TULP4: variants seen among roughly 807,000 people sequenced by gnomAD.
TULP4 encodes TUB like protein 4, also known as tubby-related protein 4.
In TULP4, 16 loss-of-function variants were observed where a neutral mutation model predicts 129.0. That is an observed-to-expected ratio of 0.12 (90% CI 0.08 to 0.19). The LOEUF is 0.19. Among genes scored for constraint, TULP4 ranks in the 10% least tolerant of loss-of-function variants. The pLI is 1.00. For synonymous variants in TULP4, 998 were observed against 854.0 expected (o/e 1.17, Z -2.94); for missense variants, 1,842 against 2,059.1 (o/e 0.89, Z 2.04).
At chr6:158,246,298 G>C (rs920238843) in intron 1 of TULP4, among the ~76,000 whole-genome samples, 1 of 151,862 alleles carries the variant, frequency 6.6e-6, no homozygotes, top group African/African-American at 2.4e-5. Context: ...TCAGGAGATC[G>C]AGACCACGGT....
At position 158,452,287 on chromosome 6, in the gene TULP4, A is replaced by T; in HGVS notation, c.859+19A>T. The T allele has an allele frequency of 6.2e-7, 1 of 1,612,614 alleles. No homozygotes were observed. The highest frequency in any genetic ancestry group is 8.5e-7 in the Non-Finnish European group (1 of 1,179,246). ...CTGAAAGGTACAGAATGCTGCACAC[A>T]CCCCAAACCTGCAGACCGGGCCTGT... is the stretch of plus-strand genomic sequence containing the variant. On this transcript the variant is annotated intron_variant, in intron 5 of 13. Transcript: ENST00000367097.
chr6:158,252,016 G>T (rs566854055), intron 1 of TULP4, among the ~76,000 whole-genome samples: 2 of 152,362 alleles, frequency 1.3e-5, no homozygotes, highest in South Asian at 2.1e-4. Flanking sequence ...GGTTTGGATG[G>T]TTGGGACAAA....
Position 158,429,721 on chromosome 6 carries a change from G to C in TULP4, c.382-15G>C. The C allele has an allele frequency of 6.2e-7, 1 of 1,601,682 alleles. No homozygotes were observed. The highest frequency in any genetic ancestry group is 8.5e-7 in the Non-Finnish European group (1 of 1,173,596). ...TCAGATTACAAATTGACTCTTTTCTGTGTGTGTCCCCAAGGTGAGTGATTT... is the reference window on the plus strand; with the variant it reads ...TCAGATTACAAATTGACTCTTTTCTCTGTGTGTCCCCAAGGTGAGTGATTT... On this transcript the variant is annotated splice_polypyrimidine_tract_variant and intron_variant, in intron 2 of 13. Transcript: ENST00000367097.
chr6:158,297,606 A>G (rs1006893927), intron 1 of TULP4, among the ~76,000 whole-genome samples: 5 of 152,224 alleles, frequency 3.3e-5, no homozygotes, highest in African/African-American at 1.2e-4. Flanking sequence ...TTATAAAAGT[A>G]TTAATTTTAG....
At chr6:158,482,930 A>G (rs1190306839) in intron 8 of TULP4, among the ~76,000 whole-genome samples, 1 of 152,192 alleles carries the variant, frequency 6.6e-6, no homozygotes, top group African/African-American at 2.4e-5. Context: ...GTTCATGTTT[A>G]TCAGCTCGTA....
Position 158,502,855 on chromosome 6 carries a change from C to T in TULP4, c.3192C>T (p.Ser1064=). 2 of 1,613,734 alleles carry T rather than the reference C, an allele frequency of 1.2e-6. No homozygotes were observed. Among genetic ancestry groups the T allele is most frequent in the Non-Finnish European group, 1.7e-6 (2 of 1,179,998 alleles). The change falls in exon 13 of 14, where the codon TCC becomes TCT. Residue 1064 remains serine (S), a synonymous_variant. Transcript: ENST00000367097. ...AHTASASPLA[S]QSSYSLLSPP... is the part of the protein sequence containing the mutation. ...CCGCCAGCGCCTCCCCGTTGGCCTC[C>T]CAGTCCTCCTACAGCCTCCTGAGCC...
intron 1 of TULP4, among the ~76,000 whole-genome samples, chr6:158,346,833 A>C (rs1200458514): frequency 6.6e-6 from 1 of 150,670 alleles, no homozygotes; most frequent in Non-Finnish European, 1.5e-5. Context: ...TGATTCTGTA[A>C]TTGTCTGATC....
intron 1 of TULP4, among the ~76,000 whole-genome samples, chr6:158,235,788 T>A (rs1379409345): frequency 6.6e-6 from 1 of 152,230 alleles, no homozygotes; most frequent in African/African-American, 2.4e-5. Context: ...GTATTTGACC[T>A]TAGTGAAAAG....
chr6:158,469,692 C>G (rs765297341), intron 6 of TULP4, among the ~76,000 whole-genome samples: 4 of 151,884 alleles, frequency 2.6e-5, no homozygotes, highest in Admixed American at 1.3e-4. Context: ...TTGGAGTCAT[C>G]CACATGGAGG....
rs117534691 is a variant in TULP4 at position 158,368,160 on chromosome 6, T to C, written c.253-44905T>C. Among the ~76,000 whole-genome samples, 759 of 152,040 alleles carry C rather than the reference T, an allele frequency of 5.0e-3. 1 individual carries two copies. The highest frequency in any genetic ancestry group is 8.3e-3 in the Non-Finnish European group (564 of 67,968). ...CTTTCCGTAAATTTTCTTTCTGTGATTCCTCTTGATTGGTTTGTCTGTAAA... is the reference window on the plus strand; with the variant it reads ...CTTTCCGTAAATTTTCTTTCTGTGACTCCTCTTGATTGGTTTGTCTGTAAA... On this transcript the variant is annotated intron_variant, in intron 1 of 13. Transcript: ENST00000367097.
chr6:158,345,113 G>T (rs960560426), intron 1 of TULP4, among the ~76,000 whole-genome samples: 1 of 152,208 alleles, frequency 6.6e-6, no homozygotes, highest in African/African-American at 2.4e-5. Context: ...TGAGGAAACT[G>T]CAGAAGAAAA....
At chr6:158,431,994 G>A (rs1162788207) in intron 3 of TULP4, among the ~76,000 whole-genome samples, 1 of 151,538 alleles carries the variant, frequency 6.6e-6, no homozygotes, top group Non-Finnish European at 1.5e-5. Flanking sequence ...GTTGCAGCAG[G>A]GTGCCTGTTG....
At chr6:158,324,274 T>A (rs1387974717) in intron 1 of TULP4, among the ~76,000 whole-genome samples, 1 of 152,236 alleles carries the variant, frequency 6.6e-6, no homozygotes, top group Non-Finnish European at 1.5e-5. Flanking sequence ...TTACATTCCC[T>A]GACTATAGCC....
chr6:158,337,410 C>T lies in TULP4; in HGVS notation c.252+23142C>T, dbSNP rs550313215. Among the ~76,000 whole-genome samples, 38 of 152,204 alleles carry T rather than the reference C, an allele frequency of 2.5e-4. No homozygotes were observed. The South Asian group carries it at 5.0e-3, about 20-fold the overall frequency. On this transcript the variant is annotated intron_variant, in intron 1 of 13. Transcript: ENST00000367097. Reference sequence around the variant, plus strand: ...CCTCTCAAAGTGCTGGGATTACAGGCATGAGCCACCACTCCCGTTCAGCTG... The same window carrying T: ...CCTCTCAAAGTGCTGGGATTACAGGTATGAGCCACCACTCCCGTTCAGCTG...
chr6:158,472,090 G>A (rs1007484116), intron 6 of TULP4, among the ~76,000 whole-genome samples: 4 of 152,122 alleles, frequency 2.6e-5, no homozygotes, highest in African/African-American at 4.8e-5. Flanking sequence ...GCTCAGTCAC[G>A]TTTTCTTTTA....
At chr6:158,259,647 C>T (rs1778313938) in intron 1 of TULP4, among the ~76,000 whole-genome samples, 1 of 152,210 alleles carries the variant, frequency 6.6e-6, no homozygotes, top group South Asian at 2.1e-4. Flanking sequence ...GGTTCTGACA[C>T]CAACCACCTG....
chr6:158,415,381 G>A (rs1319178998), intron 2 of TULP4, among the ~76,000 whole-genome samples: 3 of 135,590 alleles, frequency 2.2e-5, no homozygotes, highest in Non-Finnish European at 3.1e-5. Context: ...ACGGAGTCAC[G>A]CTCTGTCGCC....
At chr6:158,365,997 G>A (rs1198256302) in intron 1 of TULP4, among the ~76,000 whole-genome samples, 2 of 141,416 alleles carry the variant, frequency 1.4e-5, no homozygotes, top group Admixed American at 7.5e-5. Context: ...GCACCTCCCA[G>A]GTTCATGCCA....
chr6:158,496,337 TTAAAA>T (rs1180241995), intron 11 of TULP4, among the ~76,000 whole-genome samples: 1 of 152,256 alleles, frequency 6.6e-6, no homozygotes, highest in South Asian at 2.1e-4. Context: ...CACAGATCCT[TTAAAA>T]TAAATTATTC....
Sources: gnomAD v4.1 joint callset for allele counts (sites outside exome capture counted in the v4.1 genomes callset) on GRCh38, gnomAD v4.1.1 for gene constraint, MANE v1.5 for transcripts, NCBI Gene and HGNC (gene_info 2026-07-23, HGNC 2026-07-21) for gene names.